PPP2R2B: variants seen among roughly 807,000 people sequenced by gnomAD.
The protein encoded by PPP2R2B is protein phosphatase 2 regulatory subunit Bbeta.
Under a neutral mutation model 46.0 loss-of-function variants are expected in PPP2R2B, and 5 were observed. The ratio of observed to expected loss-of-function variants is 0.11; its 90% CI spans 0.06 to 0.23. The LOEUF (loss-of-function observed/expected upper bound fraction) is 0.23. Ranked by LOEUF, PPP2R2B falls within the 10% of genes least tolerant of loss-of-function variation. The probability of loss-of-function intolerance (pLI) is 1.00; values close to 1 mark genes in which losing one functional copy is unlikely to be tolerated. For synonymous variants in PPP2R2B, 215 were observed against 206.7 expected, an observed-to-expected ratio of 1.04 and a Z score of -0.34; for missense variants, 367 against 575.0, an observed-to-expected ratio of 0.64 and a Z score of 3.70.
chr5:146,764,052 G>A (rs58702684), intron 2 of PPP2R2B, among the ~76,000 whole-genome samples: 13,096 of 152,068 alleles, frequency 0.086, 918 homozygotes, highest in African/African-American at 0.2. Context: ...TTATTAAAAG[G>A]AATTTCACAG....
At chr5:146,590,926 C>CACTT (rs894473431) in intron 9 of PPP2R2B, among the ~76,000 whole-genome samples, 4 of 148,702 alleles carry the variant, frequency 2.7e-5, no homozygotes, top group African/African-American at 1.0e-4. Context: ...TTTTTTCCCA[C>CACTT]ACTTAATGGA....
At chr5:146,722,523 G>T (rs1780871031) in intron 2 of PPP2R2B, among the ~76,000 whole-genome samples, 1 of 152,136 alleles carries the variant, frequency 6.6e-6, no homozygotes, top group Non-Finnish European at 1.5e-5. Context: ...GCTTTGCACA[G>T]CCCAGCCCAG....
chr5:147,074,256 T>C (rs1757693133), intron 2 of PPP2R2B, among the ~76,000 whole-genome samples: 1 of 152,142 alleles, frequency 6.6e-6, no homozygotes, highest in African/African-American at 2.4e-5. Flanking sequence ...AAGTGAGAGA[T>C]TATCTGATTA....
At chr5:146,750,132 CTT>C in intron 2 of PPP2R2B, among the ~76,000 whole-genome samples, 1 of 152,106 alleles carries the variant, frequency 6.6e-6, no homozygotes, top group Non-Finnish European at 1.5e-5. Flanking sequence ...TTTTTGGATT[CTT>C]TATTCTGTTC....
chr5:147,031,647 G>A (rs1755790688), intron 1 of PPP2R2B, among the ~76,000 whole-genome samples: 1 of 151,976 alleles, frequency 6.6e-6, no homozygotes, highest in African/African-American at 2.4e-5. Context: ...ATGTTACTAT[G>A]TCCCTTGTAT....
intron 1 of PPP2R2B, among the ~76,000 whole-genome samples, chr5:147,007,975 G>T (rs772624336): frequency 6.6e-6 from 1 of 152,156 alleles, no homozygotes; most frequent in Non-Finnish European, 1.5e-5. Context: ...AGTCCATAAG[G>T]TTAATGTAAT....
At chr5:146,704,147 C>A (rs1204527243) in intron 2 of PPP2R2B, among the ~76,000 whole-genome samples, 3 of 152,220 alleles carry the variant, frequency 2.0e-5, no homozygotes, top group Non-Finnish European at 4.4e-5. Context: ...ATATCTTCAT[C>A]TATGACTGTT....
At chr5:146,772,526 G>GA (rs1341480660) in intron 2 of PPP2R2B, among the ~76,000 whole-genome samples, 1 of 151,290 alleles carries the variant, frequency 6.6e-6, no homozygotes, top group Admixed American at 6.6e-5. Flanking sequence ...TCAAAGAGGG[G>GA]ATAACAACTT....
intron 7 of PPP2R2B, among the ~76,000 whole-genome samples, chr5:146,633,148 A>T (rs1223493375): frequency 1.3e-5 from 2 of 152,238 alleles, no homozygotes; most frequent in Non-Finnish European, 1.5e-5. Flanking sequence ...GTAGAAAAAA[A>T]TAGGCGAGGG....
At chr5:147,027,000 C>G (rs1191159556) in intron 1 of PPP2R2B, among the ~76,000 whole-genome samples, 1 of 152,100 alleles carries the variant, frequency 6.6e-6, no homozygotes, top group African/African-American at 2.4e-5. Flanking sequence ...TTCCCGGTAG[C>G]TTTTTTCATA....
chr5:146,795,167 T>C (rs984527906), intron 2 of PPP2R2B, among the ~76,000 whole-genome samples: 4 of 152,042 alleles, frequency 2.6e-5, no homozygotes, highest in African/African-American at 9.7e-5. Flanking sequence ...GTTAAGGAGA[T>C]TAGATAGGCT....
At chr5:146,920,953 G>C (rs1763583101) in intron 1 of PPP2R2B, among the ~76,000 whole-genome samples, 1 of 152,178 alleles carries the variant, frequency 6.6e-6, no homozygotes, top group Admixed American at 6.6e-5. Flanking sequence ...GGAAAAATGT[G>C]TTAAGTAAGT....
chr5:147,056,047 T>C (rs1409772323), upstream of PPP2R2B: 8 of 1,167,060 alleles, frequency 6.9e-6, no homozygotes, highest in African/African-American at 9.3e-5. Flanking sequence ...CAGTCCTGCC[T>C]GTAAACACAC....
chr5:146,898,569 G>C (rs1762723085), intron 1 of PPP2R2B, among the ~76,000 whole-genome samples: 1 of 151,222 alleles, frequency 6.6e-6, no homozygotes, highest in Non-Finnish European at 1.5e-5. Flanking sequence ...CATGGGCAAG[G>C]ACTTCATGTC....
exon 1 of PPP2R2B, chr5:147,081,327 C>T: frequency 6.5e-7 from 1 of 1,531,142 alleles, no homozygotes; most frequent in Admixed American, 2.0e-5. Flanking sequence ...AGTACCACGT[C>T]CTGCTGTGAA....
At chr5:146,826,737 T>G (rs1173891936) in intron 2 of PPP2R2B, among the ~76,000 whole-genome samples, 1 of 152,108 alleles carries the variant, frequency 6.6e-6, no homozygotes, top group Non-Finnish European at 1.5e-5. Context: ...ATTTAAATCC[T>G]CCCCATTCTT....
At chr5:146,605,194 A>G (rs1772150064) in intron 7 of PPP2R2B, among the ~76,000 whole-genome samples, 5 of 152,248 alleles carry the variant, frequency 3.3e-5, no homozygotes, top group Admixed American at 3.3e-4. Flanking sequence ...TAGTAGGAAC[A>G]GAGGCAGAAT....
intron 1 of PPP2R2B, among the ~76,000 whole-genome samples, chr5:146,906,242 A>G (rs1195113474): frequency 6.6e-6 from 1 of 152,056 alleles, no homozygotes; most frequent in Non-Finnish European, 1.5e-5. Context: ...ATAATATTTG[A>G]ATATATTAAG....
upstream of PPP2R2B, among the ~76,000 whole-genome samples, chr5:146,880,976 C>A (rs1762147417): frequency 6.6e-6 from 1 of 151,824 alleles, no homozygotes; most frequent in Admixed American, 6.6e-5. Flanking sequence ...GGGAAAAAAG[C>A]TGTTGGCTCT....
Sources: gnomAD v4.1 joint callset for allele counts (sites outside exome capture counted in the v4.1 genomes callset) on GRCh38, gnomAD v4.1.1 for gene constraint, MANE v1.5 for transcripts, NCBI Gene and HGNC (gene_info 2026-07-23, HGNC 2026-07-21) for gene names.